The following DIP2C variants were observed in gnomAD, a reference collection of about 807,000 sequenced individuals.
DIP2C encodes disco-interacting protein 2 homolog C.
DIP2C carries 33 observed loss-of-function variants against 192.4 expected under a neutral mutation model. That is an observed-to-expected ratio of 0.17 (90% CI 0.13 to 0.23). The LOEUF is 0.23. Among genes scored for constraint, DIP2C ranks in the 10% least tolerant of loss-of-function variants. The pLI, the probability that DIP2C is intolerant of heterozygous loss-of-function variation, is 1.00. For synonymous variants in DIP2C, 979 were observed against 864.1 expected, an observed-to-expected ratio of 1.13 and a Z score of -2.33; for missense variants, 1,537 against 2,110.1, an observed-to-expected ratio of 0.73 and a Z score of 5.32.
At chr10:388,537 T>G (rs191331364) in intron 13 of DIP2C, among the ~76,000 whole-genome samples, 1 of 152,262 alleles carries the variant, frequency 6.6e-6, no homozygotes, top group East Asian at 1.9e-4. Flanking sequence ...GTAAACAACC[T>G]AAGTTCCTTT....
At chr10:573,404 ATGT>A (rs1314229974) in intron 1 of DIP2C, among the ~76,000 whole-genome samples, 3 of 151,940 alleles carry the variant, frequency 2.0e-5, no homozygotes, top group Non-Finnish European at 2.9e-5. Flanking sequence ...GTTCACCCAC[ATGT>A]TATTATCGTT....
At chr10:530,771 G>A (rs1847319484) in intron 1 of DIP2C, among the ~76,000 whole-genome samples, 1 of 152,030 alleles carries the variant, frequency 6.6e-6, no homozygotes, top group African/African-American at 2.4e-5. Context: ...GACTCTCTGT[G>A]GCTACAATGA....
intron 13 of DIP2C, 22 bp from the exon 14 acceptor site, chr10:387,831 G>T: frequency 6.2e-7 from 1 of 1,614,106 alleles, no homozygotes; most frequent in Middle Eastern, 1.6e-4. Context: ...AGGGAGTCAG[G>T]AGATTTTTAC....
intron 1 of DIP2C, among the ~76,000 whole-genome samples, chr10:569,011 C>A (rs749388989): frequency 6.6e-6 from 1 of 152,142 alleles, no homozygotes; most frequent in Non-Finnish European, 1.5e-5. Flanking sequence ...ATGAGGGCAG[C>A]GGCTTCCTGG....
Position 387,134 on chromosome 10 carries a change from C to T in DIP2C, c.1662+611G>A, listed in dbSNP as rs187330274. 3.3e-5 allele frequency among the ~76,000 whole-genome samples: 5 copies of T among 152,350 alleles called. No individual in the cohort carries two copies. In the East Asian group the frequency reaches 5.8e-4, roughly 18 times the overall value. On this transcript the variant is annotated intron_variant, in intron 14 of 36. Coordinates refer to ENST00000280886, the MANE Select transcript of DIP2C (RefSeq NM_014974.3). ...GATGTACGGGACAGTAGCCCACACA[C>T]GAACCAACCTTTGACGTTATTCTAA...
Position 341,190 on chromosome 10 carries a change from G to C in DIP2C, c.3584+9C>G. The C allele has an allele frequency of 6.2e-7, 1 of 1,614,018 alleles. No individual in the cohort carries two copies. The highest frequency in any genetic ancestry group is 8.5e-7 in the Non-Finnish European group (1 of 1,180,002). ...TTTTTTAATGTAAAGATATAGAGAG[G>C]CATCTTACCTGCAGAGGCACCAGAG... is the stretch of plus-strand genomic sequence containing the variant. On this transcript the variant is annotated intron_variant, in intron 29 of 36. Transcript: ENST00000280886.
At chr10:340,034 A>G (rs1958066610) in intron 29 of DIP2C, among the ~76,000 whole-genome samples, 2 of 152,164 alleles carry the variant, frequency 1.3e-5, no homozygotes, top group African/African-American at 4.8e-5. Context: ...TACAAAAATT[A>G]GCAGGGCGTG....
At chr10:580,085 AC>A (rs1850509103) in intron 1 of DIP2C, among the ~76,000 whole-genome samples, 2 of 152,184 alleles carry the variant, frequency 1.3e-5, no homozygotes. Context: ...CATATAGCAT[AC>A]ACATGCACAT....
chr10:478,017 G>A (rs921918148), intron 2 of DIP2C, among the ~76,000 whole-genome samples: 8 of 32,714 alleles, frequency 2.4e-4, no homozygotes, highest in African/African-American at 1.3e-3. Flanking sequence ...AAGAGGGGAG[G>A]GGAGGGGAGG....
intron 1 of DIP2C, among the ~76,000 whole-genome samples, chr10:528,036 C>T (rs1439983844): frequency 6.6e-6 from 1 of 152,194 alleles, no homozygotes; most frequent in African/African-American, 2.4e-5. Flanking sequence ...CAAGGACAGT[C>T]GTGTCCTTGG....
chr10:653,973 C>T (rs1398955620), intron 1 of DIP2C, among the ~76,000 whole-genome samples: 1 of 152,184 alleles, frequency 6.6e-6, no homozygotes, highest in Non-Finnish European at 1.5e-5. Flanking sequence ...AACTGGGACA[C>T]AGACTGCAAA....
intron 4 of DIP2C, among the ~76,000 whole-genome samples, chr10:429,998 A>C (rs140033160): frequency 1.3e-5 from 2 of 152,296 alleles, no homozygotes; most frequent in Non-Finnish European, 2.9e-5. Flanking sequence ...TTGCTTTAAG[A>C]CCAGCAATGA....
chr10:449,170 CT>C (rs1489551707), intron 3 of DIP2C, among the ~76,000 whole-genome samples: 1 of 151,012 alleles, frequency 6.6e-6, no homozygotes, highest in African/African-American at 2.4e-5. Context: ...CCACTCACCC[CT>C]GTCAATACTC....
intron 4 of DIP2C, among the ~76,000 whole-genome samples, chr10:438,821 T>C (rs1967484787): frequency 2.0e-5 from 3 of 151,998 alleles, no homozygotes; most frequent in South Asian, 2.1e-4. Flanking sequence ...CTATTTATTA[T>C]CGTTATTTTT....
intron 1 of DIP2C, among the ~76,000 whole-genome samples, chr10:521,213 A>C (rs1454525450): frequency 6.6e-6 from 1 of 152,218 alleles, no homozygotes; most frequent in Non-Finnish European, 1.5e-5. Flanking sequence ...CAGCTCTTAA[A>C]AACAACCAGA....
intron 18 of DIP2C, among the ~76,000 whole-genome samples, chr10:369,068 T>A (rs930156159): frequency 1.3e-5 from 2 of 152,256 alleles, no homozygotes; most frequent in East Asian, 1.9e-4. Context: ...ACAGGTTTCA[T>A]GGTCACACAA....
intron 30 of DIP2C, among the ~76,000 whole-genome samples, chr10:327,846 C>T (rs1044182668): frequency 5.3e-5 from 8 of 152,206 alleles, no homozygotes; most frequent in Admixed American, 2.0e-4. Context: ...AGATTAACAA[C>T]ATCTCAGTTT....
chr10:528,848 C>G (rs1013240251), intron 1 of DIP2C, among the ~76,000 whole-genome samples: 1 of 152,160 alleles, frequency 6.6e-6, no homozygotes, highest in African/African-American at 2.4e-5. Flanking sequence ...GGCGTCCAGG[C>G]AGGAAGGCGA....
chr10:445,752 A>C (rs1043470736), intron 3 of DIP2C, among the ~76,000 whole-genome samples: 1 of 151,550 alleles, frequency 6.6e-6, no homozygotes, highest in Non-Finnish European at 1.5e-5. Context: ...CCTGTTGTGA[A>C]GAGTCTCACA....
Sources: allele counts gnomAD v4.1 joint callset (sites outside exome capture counted in the v4.1 genomes callset), GRCh38; gene constraint gnomAD v4.1.1; transcripts MANE v1.5; gene names NCBI Gene and HGNC (gene_info 2026-07-23, HGNC 2026-07-21).